The following HMGB1 variants were observed in gnomAD, a reference collection of about 807,000 sequenced individuals.
HMGB1 encodes high mobility group box 1, also known as high mobility group protein B1.
For synonymous variants in HMGB1, 81 were observed against 84.0 expected (o/e 0.96, Z 0.19); for missense variants, 79 against 253.5 (o/e 0.31, Z 4.67).
intron 1 of HMGB1, among the ~76,000 whole-genome samples, chr13:30,519,224 C>T (rs1888170408): frequency 6.6e-6 from 1 of 151,406 alleles, no homozygotes; most frequent in Non-Finnish European, 1.5e-5. Context: ...GAAACCCCGT[C>T]TCTATTAAAA....
rs143459353 is a variant in HMGB1, at chr13:30,605,909, G to C, written c.-15+10762C>G. 3.5e-3 allele frequency among the ~76,000 whole-genome samples: 526 copies of C among 152,170 alleles called. 1 individual carries two copies. The highest frequency in any genetic ancestry group is 0.011 in the African/African-American group (466 of 41,512). On this transcript the variant is annotated intron_variant, in intron 1 of 4. Coordinates refer to the HMGB1 transcript ENST00000405805. ...ATAACTTCCCCTCTAAATATACCTCGGATGTATCTCCTAAAATAAGTCCAT... is the reference window on the plus strand; with the variant it reads ...ATAACTTCCCCTCTAAATATACCTCCGATGTATCTCCTAAAATAAGTCCAT...
At chr13:30,524,573 CT>C (rs1202101926) in intron 1 of HMGB1, among the ~76,000 whole-genome samples, 2 of 151,980 alleles carry the variant, frequency 1.3e-5, no homozygotes, top group Non-Finnish European at 2.9e-5. Context: ...ATCCCAGCTA[CT>C]TGGGAGGCTG....
intron 1 of HMGB1, among the ~76,000 whole-genome samples, chr13:30,570,860 T>TG (rs976999898): frequency 7.9e-5 from 12 of 152,316 alleles, no homozygotes; most frequent in Admixed American, 2.6e-4. Context: ...CTGTATTTTC[T>TG]GGGGGAGTTC....
At chr13:30,533,917 T>C (rs1300806313) in intron 1 of HMGB1, among the ~76,000 whole-genome samples, 1 of 148,678 alleles carries the variant, frequency 6.7e-6, no homozygotes, top group Non-Finnish European at 1.5e-5. Flanking sequence ...CGGGCTGGAG[T>C]GCAATGGTGT....
chr13:30,567,509 C>T (rs185103548), intron 1 of HMGB1, among the ~76,000 whole-genome samples: 3 of 152,102 alleles, frequency 2.0e-5, no homozygotes, highest in Admixed American at 2.0e-4. Context: ...ACCCCCACAC[C>T]CAGCTAATTT....
chr13:30,603,877 C>T (rs1358377875), intron 1 of HMGB1, among the ~76,000 whole-genome samples: 1 of 152,052 alleles, frequency 6.6e-6, no homozygotes, highest in African/African-American at 2.4e-5. Context: ...GGAAAAAAGT[C>T]CACGCGTGTT....
rs543651731 is a variant in HMGB1 at position 30,578,788 on chromosome 13, T to C, written c.-15+37883A>G. 8.5e-5 allele frequency among the ~76,000 whole-genome samples: 13 copies of C among 152,338 alleles called. No homozygotes were observed. The East Asian group carries it at 2.5e-3, about 29-fold the overall frequency. On this transcript the variant is annotated intron_variant, in intron 1 of 4. Transcript: ENST00000405805. ...GCTACACTAAACTTCTTTCTTACTG[T>C]TGCTGGAACAAGTTCAACGCTTTCA...
chr13:30,464,401 TGGCCCCCTCCCCCAACTC>T, intron 1 of HMGB1: 5 of 985,416 alleles, frequency 5.1e-6, no homozygotes, highest in Non-Finnish European at 4.8e-6. Context: ...CGTGGCTCGG[TGGCCCCCTCCCCCAACTC>T]GGGAAGTATT....
At chr13:30,554,282 T>C (rs1295989298) in intron 1 of HMGB1, 19 of 1,283,320 alleles carry the variant, frequency 1.5e-5, no homozygotes, top group Non-Finnish European at 1.9e-5. Flanking sequence ...ATCTGGCTCC[T>C]TGAACCCTGA....
intron 1 of HMGB1, among the ~76,000 whole-genome samples, chr13:30,594,477 GTATT>G (rs1211832649): frequency 2.0e-5 from 3 of 152,148 alleles, no homozygotes; most frequent in East Asian, 1.9e-4. Flanking sequence ...AGAGCATGCA[GTATT>G]TAGTTTTCTT....
At chr13:30,597,800 G>A (rs574650549) in intron 1 of HMGB1, among the ~76,000 whole-genome samples, 32 of 152,046 alleles carry the variant, frequency 2.1e-4, no homozygotes, top group African/African-American at 7.5e-4. Flanking sequence ...TCATCCCAAC[G>A]GACTACAGGA....
intron 1 of HMGB1, among the ~76,000 whole-genome samples, chr13:30,602,542 C>A (rs1187827439): frequency 6.6e-6 from 1 of 152,154 alleles, no homozygotes; most frequent in African/African-American, 2.4e-5. Context: ...CTTTAAAAGT[C>A]ATTTTTTCCT....
chr13:30,506,508 TCTC>T (rs1289613166), intron 1 of HMGB1, among the ~76,000 whole-genome samples: 11 of 151,884 alleles, frequency 7.2e-5, no homozygotes, highest in African/African-American at 2.4e-4. Context: ...CCCTCACACT[TCTC>T]CTTCCATCTC....
At chr13:30,524,709 TAATAA>T (rs1888325691) in intron 1 of HMGB1, among the ~76,000 whole-genome samples, 2 of 9,392 alleles carry the variant, frequency 2.1e-4, no homozygotes, top group Non-Finnish European at 1.1e-3. Flanking sequence ...TAAATAATAA[TAATAA>T]TAATAATAAT....
intron 1 of HMGB1, chr13:30,463,930 A>C (rs1187288495): frequency 6.7e-6 from 3 of 447,074 alleles, no homozygotes; most frequent in African/African-American, 4.1e-5. Context: ...AAGTCTAGAC[A>C]CAAAGATATA....
intron 1 of HMGB1, among the ~76,000 whole-genome samples, chr13:30,585,552 C>T (rs1312361770): frequency 6.6e-6 from 1 of 151,690 alleles, no homozygotes; most frequent in Non-Finnish European, 1.5e-5. Flanking sequence ...GTGGCGCATG[C>T]CTGTAATCCC....
chr13:30,575,014 T>A (rs149454550), intron 1 of HMGB1, among the ~76,000 whole-genome samples: 37 of 152,372 alleles, frequency 2.4e-4, no homozygotes, highest in African/African-American at 8.9e-4. Context: ...TGTATAATTT[T>A]ATCTTAATTG....
In HMGB1 at chr13:30,456,758, G is replaced by GGT. The variant is rs1555231065; in HGVS notation, c.*4598_*4599insAC. 1 of 70,298 alleles carries GGT rather than the reference G, an allele frequency of 1.4e-5. No individual in the cohort carries two copies. The highest frequency in any genetic ancestry group is 3.2e-5 in the Non-Finnish European group (1 of 31,164). The allele number at this position is 70,298 out of a possible 1,614,324, so 4.4% of individuals were successfully genotyped here. ...CACAGCATAAATAACAGCTTTTGTG[G>GGT]GCGGGGGGGGGGGGTGGTGGGGTGC... On this transcript the variant is annotated 3_prime_UTR_variant, in exon 5 of 5. Coordinates refer to ENST00000341423, the MANE Select transcript of HMGB1 (RefSeq NM_002128.7).
chr13:30,611,422 A>AG (rs1312094783), intron 1 of HMGB1, among the ~76,000 whole-genome samples: 2 of 152,226 alleles, frequency 1.3e-5, no homozygotes, highest in Admixed American at 1.3e-4. Flanking sequence ...TCGGCCTTCC[A>AG]AAGTGCTGGG....
Sources: gnomAD v4.1 joint callset for allele counts (sites outside exome capture counted in the v4.1 genomes callset) on GRCh38, gnomAD v4.1.1 for gene constraint, MANE v1.5 for transcripts, NCBI Gene and HGNC (gene_info 2026-07-23, HGNC 2026-07-21) for gene names.